ANO1: variants seen among roughly 807,000 people sequenced by gnomAD.
ANO1 encodes anoctamin-1.
Under a neutral mutation model 124.0 loss-of-function variants are expected in ANO1, and 59 were observed. The observed-to-expected ratio is 0.48, with a 90% confidence interval of 0.39 to 0.59. The LOEUF (loss-of-function observed/expected upper bound fraction) is 0.59, where lower values mean the gene tolerates loss of function less well. ANO1 is among the 20% of genes least tolerant of loss of function. The probability of loss-of-function intolerance (pLI) is 0.00; values close to 1 mark genes in which losing one functional copy is unlikely to be tolerated. For synonymous variants in ANO1, 529 were observed against 532.0 expected (o/e 0.99, Z 0.08); for missense variants, 1,059 against 1,328.0 (o/e 0.80, Z 3.15).
rs770799637 is a variant in ANO1 at position 70,159,289 on chromosome 11, G to A, written c.1579-1872G>A. Among the ~76,000 whole-genome samples, 5 of 152,140 alleles carry A rather than the reference G, an allele frequency of 3.3e-5. No homozygotes were observed. The East Asian group carries it at 5.8e-4, about 18-fold the overall frequency. On this transcript the variant is annotated intron_variant, in intron 16 of 25. Coordinates refer to ENST00000355303, the MANE Select transcript of ANO1 (RefSeq NM_018043.7). ...GCAGCCCCTGTCTGAAGGTGCTTTCGCAGAAGACCCACCACACCTCTGCTT... is the reference window on the plus strand; with the variant it reads ...GCAGCCCCTGTCTGAAGGTGCTTTCACAGAAGACCCACCACACCTCTGCTT...
intron 1 of ANO1, among the ~76,000 whole-genome samples, chr11:70,036,506 C>T (rs781451928): frequency 6.6e-6 from 1 of 152,212 alleles, no homozygotes; most frequent in Non-Finnish European, 1.5e-5. Context: ...TGCTCGGTGA[C>T]TCTTCCTCCT....
Position 70,176,699 on chromosome 11 carries a change from C to G in ANO1, c.2351-3305C>G, listed in dbSNP as rs2048714602. On this transcript the variant is annotated intron_variant, in intron 22 of 25. Transcript: ENST00000355303. ...AGGCCTGTCCGACCCTCCTCCCGCC[C>G]CCTGCTTCCTGTCATGGCCTGAACC... 2.0e-5 allele frequency among the ~76,000 whole-genome samples: 3 copies of G among 152,296 alleles called. No individual in the cohort carries two copies. The South Asian group carries it at 6.2e-4, about 32-fold the overall frequency.
At chr11:70,116,395 G>T in intron 7 of ANO1, 63 bp from the exon 8 acceptor site, 1 of 1,467,856 alleles carries the variant, frequency 6.8e-7, no homozygotes, top group South Asian at 1.2e-5. Flanking sequence ...AAACATAATG[G>T]ATGTGAGCGC....
chr11:70,142,108 C>T (rs1411097581), intron 11 of ANO1, among the ~76,000 whole-genome samples: 1 of 152,234 alleles, frequency 6.6e-6, no homozygotes, highest in African/African-American at 2.4e-5. Context: ...TCTCATTAAG[C>T]AGCCTTGAGC....
chr11:70,087,629 C>A, intron 1 of ANO1, 123 bp from the exon 2 acceptor site: 3 of 953,808 alleles, frequency 3.1e-6, no homozygotes, highest in Admixed American at 3.2e-5. Context: ...CCGTGGAGGG[C>A]GCTCAGGGAG....
chr11:69,978,118 A>C, the ANO1 span, among the ~76,000 whole-genome samples: 1 of 152,066 alleles, frequency 6.6e-6, no homozygotes, highest in African/African-American at 2.4e-5. Context: ...GACCCTGGGG[A>C]CAAACGCTGC....
chr11:70,180,162 A>G (rs983458026), intron 23 of ANO1, 106 bp downstream of exon 23: 6 of 1,074,144 alleles, frequency 5.6e-6, no homozygotes, highest in Non-Finnish European at 8.6e-6. Flanking sequence ...GCCTCTAGCC[A>G]TGGTGCAGCC....
At chr11:70,102,027 A>G (rs886821039) in intron 2 of ANO1, among the ~76,000 whole-genome samples, 2 of 152,178 alleles carry the variant, frequency 1.3e-5, no homozygotes, top group Non-Finnish European at 2.9e-5. Context: ...CTGATGTGAC[A>G]TGTGTCTTTG....
At chr11:69,992,589 T>G (rs1856177812) in intron 1 of ANO1, among the ~76,000 whole-genome samples, 1 of 152,114 alleles carries the variant, frequency 6.6e-6, no homozygotes, top group Non-Finnish European at 1.5e-5. Context: ...CAGTTAGGTA[T>G]GGCAGGATAA....
At chr11:70,138,689 C>A (rs566332787) in intron 11 of ANO1, among the ~76,000 whole-genome samples, 6 of 152,146 alleles carry the variant, frequency 3.9e-5, no homozygotes, top group African/African-American at 1.4e-4. Context: ...AACTTACACC[C>A]GCTCGTAAGC....
At chr11:70,024,016 C>G (rs78986277) in intron 1 of ANO1, among the ~76,000 whole-genome samples, 1 of 152,166 alleles carries the variant, frequency 6.6e-6, no homozygotes, top group Non-Finnish European at 1.5e-5. Context: ...TAGCTGAATC[C>G]GGGGGTCTAA....
At chr11:70,059,361 A>AAG (rs1857517694) in intron 1 of ANO1, among the ~76,000 whole-genome samples, 1 of 151,618 alleles carries the variant, frequency 6.6e-6, no homozygotes, top group South Asian at 2.1e-4. Flanking sequence ...AAAAAAAAAA[A>AAG]AAAAAAAAGC....
intron 21 of ANO1, among the ~76,000 whole-genome samples, chr11:70,168,470 G>C (rs779913161): frequency 1.3e-5 from 2 of 151,442 alleles, no homozygotes; most frequent in Middle Eastern, 3.4e-3. Flanking sequence ...GCCTCACCCC[G>C]TCATCCCTCT....
At chr11:70,128,295 G>T (rs748809582) in intron 10 of ANO1, among the ~76,000 whole-genome samples, 1 of 152,158 alleles carries the variant, frequency 6.6e-6, no homozygotes, top group African/African-American at 2.4e-5. Context: ...CTTGGGTTTG[G>T]TTGTGGTAAA....
chr11:70,054,645 G>A (rs1857405755), intron 1 of ANO1, among the ~76,000 whole-genome samples: 1 of 152,240 alleles, frequency 6.6e-6, no homozygotes, highest in African/African-American at 2.4e-5. Context: ...CTCCACTCTT[G>A]TGAGGGGCAG....
chr11:70,178,414 C>A (rs1007801004), intron 22 of ANO1, among the ~76,000 whole-genome samples: 2 of 152,214 alleles, frequency 1.3e-5, no homozygotes, highest in Non-Finnish European at 2.9e-5. Flanking sequence ...GACCACTGCA[C>A]TCGTGCAAAA....
chr11:70,076,537 G>A (rs2044060040), upstream of ANO1, among the ~76,000 whole-genome samples: 1 of 152,096 alleles, frequency 6.6e-6, no homozygotes, highest in Non-Finnish European at 1.5e-5. Flanking sequence ...CACAATGTTG[G>A]TTGTTTACCA....
chr11:70,107,560 G>C (rs1026696435), intron 5 of ANO1, among the ~76,000 whole-genome samples: 27 of 148,534 alleles, frequency 1.8e-4, no homozygotes, highest in Admixed American at 1.1e-3. Context: ...TTGCCTGAGA[G>C]AGTGGAGGCA....
At chr11:70,165,766 A>AAAAG (rs2048233589) in intron 20 of ANO1, among the ~76,000 whole-genome samples, 196 bp downstream of exon 20, 1 of 152,154 alleles carries the variant, frequency 6.6e-6, no homozygotes, top group Admixed American at 6.5e-5. Context: ...GACGCCTGTA[A>AAAAG]TCCCAGCACT....
Sources: gnomAD v4.1 joint callset for allele counts (sites outside exome capture counted in the v4.1 genomes callset) on GRCh38, gnomAD v4.1.1 for gene constraint, MANE v1.5 for transcripts, NCBI Gene and HGNC (gene_info 2026-07-23, HGNC 2026-07-21) for gene names.